Variants in CLYBL observed in about 807,000 individuals in gnomAD.
The protein encoded by CLYBL is citramalyl-CoA lyase.
A neutral mutation model predicts 38.9 loss-of-function variants in CLYBL; 31 were observed. The observed-to-expected ratio is 0.80, with a 90% confidence interval of 0.60 to 1.08. CLYBL has a LOEUF of 1.08. Among genes scored for constraint, CLYBL ranks in the 50% least tolerant of loss-of-function variants. The probability of loss-of-function intolerance (pLI) is 0.00; values close to 1 mark genes in which losing one functional copy is unlikely to be tolerated. For synonymous variants in CLYBL, 171 were observed against 158.6 expected (o/e 1.08, Z -0.59); for missense variants, 434 against 411.6 (o/e 1.05, Z -0.47).
intron 1 of CLYBL, among the ~76,000 whole-genome samples, chr13:99,623,865 A>G (rs2046831362): frequency 6.6e-6 from 1 of 151,272 alleles, no homozygotes; most frequent in African/African-American, 2.4e-5. Flanking sequence ...AGGCTGAGGC[A>G]GGAGAATCGC....
Position 99,635,581 on chromosome 13 carries a change from A to G in CLYBL, c.62+28824A>G, listed in dbSNP as rs373348590. 6.6e-5 allele frequency among the ~76,000 whole-genome samples: 10 copies of G among 152,256 alleles called. No individual in the cohort carries two copies. In the South Asian group the frequency reaches 8.3e-4, roughly 13 times the overall value. On this transcript the variant is annotated intron_variant, in intron 1 of 8. Coordinates refer to ENST00000339105, the MANE Select transcript of CLYBL (RefSeq NM_206808.5). ...CACATAGCAAATCATTCTCACCTCC[A>G]GAGATGCTGTGTCCTATGTCCTAGA...
intron 1 of CLYBL, among the ~76,000 whole-genome samples, chr13:99,633,115 A>G (rs115873666): frequency 0.04 from 6,001 of 148,304 alleles, 431 homozygotes; most frequent in African/African-American, 0.14. Flanking sequence ...GGAGACTGAG[A>G]CAGGAGAATC....
At chr13:99,639,733 A>C (rs945626410) in intron 1 of CLYBL, among the ~76,000 whole-genome samples, 4 of 152,172 alleles carry the variant, frequency 2.6e-5, no homozygotes, top group Non-Finnish European at 5.9e-5. Flanking sequence ...TCTATACAAA[A>C]GAAAAGTTAA....
chr13:99,675,160 C>T (rs928588640), intron 1 of CLYBL, among the ~76,000 whole-genome samples: 2 of 152,152 alleles, frequency 1.3e-5, no homozygotes, highest in Non-Finnish European at 2.9e-5. Context: ...AATATTCCTC[C>T]TCTTCAGGGG....
intron 2 of CLYBL, among the ~76,000 whole-genome samples, chr13:99,803,952 C>T (rs566558538): frequency 3.9e-5 from 6 of 152,164 alleles, no homozygotes; most frequent in African/African-American, 1.2e-4. Flanking sequence ...GTGCAGGTCT[C>T]GTAGCCATGA....
Position 99,887,857 on chromosome 13 carries a change from G to GT in CLYBL, c.928-3445dup, listed in dbSNP as rs199802222. Among the ~76,000 whole-genome samples, 275 of 148,816 alleles carry GT rather than the reference G, an allele frequency of 1.8e-3. 1 individual carries two copies. The highest frequency in any genetic ancestry group is 3.4e-3 in the East Asian group (17 of 5,016). On this transcript the variant is annotated intron_variant, in intron 7 of 8. Transcript: ENST00000339105. ...AGATACAGAGTTTCAGGGATTTGGGGTTTTTTTTTTTTTTTTAGGATGGAG... is the reference window on the plus strand; with the variant it reads ...AGATACAGAGTTTCAGGGATTTGGGGTTTTTTTTTTTTTTTTTAGGATGGAG...
At chr13:99,697,211 C>T (rs2047993069) in intron 1 of CLYBL, among the ~76,000 whole-genome samples, 1 of 152,112 alleles carries the variant, frequency 6.6e-6, no homozygotes, top group Admixed American at 6.5e-5. Flanking sequence ...TAATCAAAGT[C>T]TTGGAAGGGT....
Position 99,883,354 on chromosome 13 carries a change from A to T in CLYBL, c.928-7964A>T, listed in dbSNP as rs1212588322. Among the ~76,000 whole-genome samples the T allele has an allele frequency of 3.3e-5, 5 of 152,110 alleles. 1 individual carries two copies. The South Asian group carries it at 8.3e-4, about 25-fold the overall frequency. ...GCCAACATGGTGAAACCCCATCTCT[A>T]CTAAAAATACAAAAATTAGCTGGGT... On this transcript the variant is annotated intron_variant, in intron 7 of 8. Transcript: ENST00000339105.
intron 1 of CLYBL, among the ~76,000 whole-genome samples, chr13:99,745,197 T>G (rs1279554999): frequency 6.6e-6 from 1 of 152,248 alleles, no homozygotes; most frequent in Admixed American, 6.5e-5. Flanking sequence ...TCTGTCTTTC[T>G]TGCCATTGTT....
chr13:99,647,015 G>A (rs186773470), intron 1 of CLYBL, among the ~76,000 whole-genome samples: 635 of 152,234 alleles, frequency 4.2e-3, no homozygotes, highest in Non-Finnish European at 6.3e-3. Flanking sequence ...CCCTCCGCAC[G>A]CTCTGGCCTC....
intron 1 of CLYBL, among the ~76,000 whole-genome samples, chr13:99,630,294 A>T (rs1187810194): frequency 2.7e-5 from 4 of 150,744 alleles, no homozygotes; most frequent in South Asian, 2.1e-4. Flanking sequence ...CATTCCTTTT[A>T]AAAAAAATCC....
chr13:99,840,750 C>CAAAAAAAAA (rs59274056), intron 2 of CLYBL, among the ~76,000 whole-genome samples: 11 of 16,812 alleles, frequency 6.5e-4, no homozygotes, highest in African/African-American at 2.3e-3. Context: ...ACCCTTGTCT[C>CAAAAAAAAA]AAAAAAAAAA....
At chr13:99,884,276 G>C (rs2052289439) in intron 7 of CLYBL, among the ~76,000 whole-genome samples, 1 of 152,138 alleles carries the variant, frequency 6.6e-6, no homozygotes, top group African/African-American at 2.4e-5. Context: ...AGAGGAAAAG[G>C]GTGAGCTCAG....
At chr13:99,840,197 G>C (rs1414877066) in intron 2 of CLYBL, among the ~76,000 whole-genome samples, 1 of 150,930 alleles carries the variant, frequency 6.6e-6, no homozygotes, top group Non-Finnish European at 1.5e-5. Context: ...CGGGAACTCT[G>C]TCCTTGTGGT....
chr13:99,808,253 T>C (rs1434280556), intron 2 of CLYBL, among the ~76,000 whole-genome samples: 1 of 152,120 alleles, frequency 6.6e-6, no homozygotes, highest in African/African-American at 2.4e-5. Context: ...TCCAGGCTCA[T>C]TTTTTGCATT....
Position 99,616,489 on chromosome 13 carries a change from C to T in CLYBL, c.62+9732C>T, listed in dbSNP as rs115550604. ...TTAGTCTGTTCCAGGTTCATTTAGT[C>T]TGTTTCCAGACCTAAAAAGGCCTGT... On this transcript the variant is annotated intron_variant, in intron 1 of 8. Transcript: ENST00000339105. 5.2e-3 allele frequency among the ~76,000 whole-genome samples: 786 copies of T among 152,254 alleles called. 5 individuals carry two copies. Among genetic ancestry groups the T allele is most frequent in the African/African-American group, 0.018 (746 of 41,544 alleles).
chr13:99,784,697 G>A (rs1016270869), intron 2 of CLYBL, among the ~76,000 whole-genome samples: 23 of 151,534 alleles, frequency 1.5e-4, no homozygotes, highest in African/African-American at 2.4e-4. Context: ...CAGGTGATCC[G>A]CCCGCCTTGG....
chr13:99,673,563 T>C (rs2047599115), intron 1 of CLYBL, among the ~76,000 whole-genome samples: 2 of 152,210 alleles, frequency 1.3e-5, no homozygotes, highest in East Asian at 1.9e-4. Context: ...TTGAATACTT[T>C]TGAGGAAGAA....
intron 7 of CLYBL, among the ~76,000 whole-genome samples, chr13:99,874,084 C>T (rs2051977147): frequency 1.3e-5 from 2 of 152,106 alleles, no homozygotes; most frequent in Admixed American, 1.3e-4. Context: ...CACCGTAGTC[C>T]AGTAATCAGA....
Sources: allele counts gnomAD v4.1 joint callset (sites outside exome capture counted in the v4.1 genomes callset), GRCh38; gene constraint gnomAD v4.1.1; transcripts MANE v1.5; gene names NCBI Gene and HGNC (gene_info 2026-07-23, HGNC 2026-07-21).